The following PDLIM1 variants were observed in gnomAD, a reference collection of about 807,000 sequenced individuals.
PDLIM1 encodes PDZ and LIM domain 1, also known as PDZ and LIM domain protein 1.
A neutral mutation model predicts 35.2 loss-of-function variants in PDLIM1; 25 were observed. The ratio of observed to expected loss-of-function variants is 0.71; its 90% CI spans 0.52 to 0.99. The LOEUF (loss-of-function observed/expected upper bound fraction) is 0.99. PDLIM1 is among the 50% of genes least tolerant of loss of function. The pLI is 0.00. For missense variants in PDLIM1, 363 were observed against 415.3 expected (o/e 0.87, Z 1.09); for synonymous variants, 152 against 154.0 (o/e 0.99, Z 0.10).
chr10:95,272,596 G>A (rs1347781694), intron 1 of PDLIM1, among the ~76,000 whole-genome samples: 1 of 152,050 alleles, frequency 6.6e-6, no homozygotes, highest in East Asian at 1.9e-4. Context: ...CCCAGAAGGT[G>A]GAGGTTGCAG....
At chr10:95,284,218 T>C (rs1444042760) in intron 1 of PDLIM1, among the ~76,000 whole-genome samples, 1 of 152,214 alleles carries the variant, frequency 6.6e-6, no homozygotes, top group Non-Finnish European at 1.5e-5. Flanking sequence ...CAGTTTCTAT[T>C]GACTATTTAA....
chr10:95,285,866 G>C (rs372906430), intron 1 of PDLIM1, among the ~76,000 whole-genome samples: 2 of 152,184 alleles, frequency 1.3e-5, no homozygotes, highest in South Asian at 2.1e-4. Flanking sequence ...CATATTAAAA[G>C]TCCTATATAT....
intron 4 of PDLIM1, among the ~76,000 whole-genome samples, chr10:95,253,227 C>T (rs2035282270): frequency 6.6e-6 from 1 of 152,086 alleles, no homozygotes; most frequent in Non-Finnish European, 1.5e-5. Flanking sequence ...ACAATGCTTT[C>T]AGCTGCTGAA....
chr10:95,271,585 C>T (rs745655291), intron 2 of PDLIM1, 48 bp downstream of exon 2: 3 of 1,527,674 alleles, frequency 2.0e-6, no homozygotes, highest in African/African-American at 2.8e-5. Context: ...TGCCCACAAA[C>T]AGCTTCTAGT....
chr10:95,241,315 G>A (rs45450700), intron 5 of PDLIM1, among the ~76,000 whole-genome samples: 138 of 152,262 alleles, frequency 9.1e-4, no homozygotes, highest in Non-Finnish European at 1.7e-3. Flanking sequence ...GCCCTCCAGC[G>A]ATCCTCCCAC....
At position 95,263,939 on chromosome 10, in the gene PDLIM1, G is replaced by A; in HGVS notation, c.458C>T (p.Ser153Phe). Residue 153 changes from serine to phenylalanine, a missense_variant, in exon 4 of 7, where the codon TCT (serine) becomes TTT (phenylalanine). Physicochemically the swap from Ser to Phe is radical, Grantham distance 155 (BLOSUM62 -2). Transcript: ENST00000329399. Reference protein sequence around the residue: ...QYNNPAGLYSSENISNFNNAL... With the variant: ...QYNNPAGLYSFENISNFNNAL... ...ATTGTTGAAGTTGGAGATATTTTCA[G>A]AAGAGTAGAGGCCAGCTGGGTTGTT... The A allele has an allele frequency of 6.2e-7, 1 of 1,613,998 alleles. No individual in the cohort carries two copies. Among genetic ancestry groups the A allele is most frequent in the Non-Finnish European group, 8.5e-7 (1 of 1,179,978 alleles).
At chr10:95,276,956 T>C (rs901603462) in intron 1 of PDLIM1, among the ~76,000 whole-genome samples, 4 of 144,542 alleles carry the variant, frequency 2.8e-5, no homozygotes, top group African/African-American at 1.0e-4. Flanking sequence ...CTTACGCCTG[T>C]AATCCCAGCA....
intron 2 of PDLIM1, among the ~76,000 whole-genome samples, chr10:95,271,155 G>C (rs2035461697): frequency 6.6e-6 from 1 of 151,890 alleles, no homozygotes; most frequent in South Asian, 2.1e-4. Context: ...ATCAGAGGGG[G>C]GCTGGGCACG....
intron 5 of PDLIM1, among the ~76,000 whole-genome samples, chr10:95,239,803 G>GA (rs1403502774): frequency 6.6e-6 from 1 of 151,646 alleles, no homozygotes; most frequent in Non-Finnish European, 1.5e-5. Flanking sequence ...CTCAATAAAA[G>GA]AAAAAAATAA....
At chr10:95,269,293 C>T (rs532232347) in intron 2 of PDLIM1, among the ~76,000 whole-genome samples, 51 of 152,258 alleles carry the variant, frequency 3.3e-4, no homozygotes, top group African/African-American at 1.2e-3. Context: ...GCCTCTTGGC[C>T]GGGCGTGGTG....
intron 1 of PDLIM1, among the ~76,000 whole-genome samples, chr10:95,280,003 C>T (rs539601536): frequency 6.6e-6 from 1 of 152,266 alleles, no homozygotes; most frequent in South Asian, 2.1e-4. Flanking sequence ...TGTTCTTTTA[C>T]ATATATAACA....
At chr10:95,289,498 G>A (rs1036016513) in intron 1 of PDLIM1, among the ~76,000 whole-genome samples, 5 of 152,158 alleles carry the variant, frequency 3.3e-5, no homozygotes, top group Non-Finnish European at 5.9e-5. Context: ...AGGGGGGTGA[G>A]ATAGAGAAGA....
chr10:95,265,570 G>A (rs1021072300), intron 3 of PDLIM1, among the ~76,000 whole-genome samples: 6 of 135,750 alleles, frequency 4.4e-5, no homozygotes, highest in Non-Finnish European at 6.2e-5. Flanking sequence ...ACCCCAGCCT[G>A]GGCAACGAGA....
At chr10:95,244,109 TTAAGTA>T (rs2035199777) in intron 5 of PDLIM1, among the ~76,000 whole-genome samples, 2 of 152,162 alleles carry the variant, frequency 1.3e-5, no homozygotes, top group Admixed American at 1.3e-4. Flanking sequence ...AAATTTTATA[TTAAGTA>T]TATTTCACCA....
intron 1 of PDLIM1, among the ~76,000 whole-genome samples, chr10:95,286,481 G>C (rs924379427): frequency 6.6e-6 from 1 of 152,156 alleles, no homozygotes; most frequent in African/African-American, 2.4e-5. Flanking sequence ...ACTGAACCCA[G>C]GAGAAGACAT....
At chr10:95,278,300 C>T (rs546283806) in intron 1 of PDLIM1, among the ~76,000 whole-genome samples, 3 of 152,268 alleles carry the variant, frequency 2.0e-5, no homozygotes, top group African/African-American at 4.8e-5. Flanking sequence ...AAGGCTGTTG[C>T]GAGGATTACA....
chr10:95,257,812 G>C (rs1345551442), intron 4 of PDLIM1, among the ~76,000 whole-genome samples: 1 of 152,146 alleles, frequency 6.6e-6, no homozygotes, highest in African/African-American at 2.4e-5. Flanking sequence ...CAAAAGAAAT[G>C]AAGAAGGATC....
chr10:95,280,169 A>G (rs1377285204), intron 1 of PDLIM1, among the ~76,000 whole-genome samples: 1 of 152,204 alleles, frequency 6.6e-6, no homozygotes, highest in African/African-American at 2.4e-5. Flanking sequence ...AGAGGTCAGG[A>G]GTTCAAGACC....
At chr10:95,255,105 T>C (rs2035298476) in intron 4 of PDLIM1, among the ~76,000 whole-genome samples, 2 of 151,890 alleles carry the variant, frequency 1.3e-5, no homozygotes, top group Admixed American at 1.3e-4. Flanking sequence ...TAAAAATCTC[T>C]AAACAGACCT....
Sources: gnomAD v4.1 joint callset for allele counts (sites outside exome capture counted in the v4.1 genomes callset) on GRCh38, gnomAD v4.1.1 for gene constraint, MANE v1.5 for transcripts, NCBI Gene and HGNC (gene_info 2026-07-23, HGNC 2026-07-21) for gene names.